Variants in ANXA4 observed in about 807,000 individuals in gnomAD.
The protein encoded by ANXA4 is annexin A4.
A neutral mutation model predicts 49.8 loss-of-function variants in ANXA4; 39 were observed. The ratio of observed to expected loss-of-function variants is 0.78; its 90% CI spans 0.61 to 1.02. The LOEUF (loss-of-function observed/expected upper bound fraction) is 1.02. ANXA4 is among the 50% of genes least tolerant of loss of function. ANXA4 has a pLI of 0.00. For synonymous variants in ANXA4, 134 were observed against 152.5 expected, an observed-to-expected ratio of 0.88 and a Z score of 0.89; for missense variants, 360 against 410.1, an observed-to-expected ratio of 0.88 and a Z score of 1.05.
chr2:69,718,968 C>T (rs1311984164), intron 2 of ANXA4, among the ~76,000 whole-genome samples: 2 of 151,660 alleles, frequency 1.3e-5, no homozygotes, highest in South Asian at 2.1e-4. Context: ...AAGTCTCAAG[C>T]TAGCTACCCT....
At chr2:69,763,811 C>T (rs945630041) in intron 1 of ANXA4, among the ~76,000 whole-genome samples, 10 of 151,748 alleles carry the variant, frequency 6.6e-5, no homozygotes, top group Non-Finnish European at 1.0e-4. Flanking sequence ...TACAGGCGTG[C>T]GCCACCACGC....
intron 2 of ANXA4, among the ~76,000 whole-genome samples, chr2:69,711,771 T>C (rs113466250): frequency 1.3e-3 from 193 of 152,076 alleles, no homozygotes; most frequent in African/African-American, 4.6e-3. Context: ...TGAAAACAGA[T>C]TGGGGAATTC....
chr2:69,741,332 T>G (rs1393656407), upstream of ANXA4, among the ~76,000 whole-genome samples: 5 of 152,174 alleles, frequency 3.3e-5, no homozygotes, highest in Non-Finnish European at 4.4e-5. Flanking sequence ...CTAGTTGGTG[T>G]CTTCAAGAGG....
chr2:69,819,429 C>A, intron 11 of ANXA4, 91 bp downstream of exon 11: 3 of 914,802 alleles, frequency 3.3e-6, no homozygotes, highest in South Asian at 1.5e-5. Context: ...CCAAACTTTG[C>A]TCTGAAAGAT....
intron 2 of ANXA4, among the ~76,000 whole-genome samples, chr2:69,704,068 C>A (rs1678415668): frequency 6.6e-6 from 1 of 152,004 alleles, no homozygotes; most frequent in Non-Finnish European, 1.5e-5. Context: ...CTACAGATGA[C>A]CCCAATATTA....
chr2:69,725,934 G>C (rs1238046103), intron 3 of ANXA4, among the ~76,000 whole-genome samples: 2 of 152,118 alleles, frequency 1.3e-5, no homozygotes, highest in African/African-American at 2.4e-5. Context: ...TGGTTCTTGT[G>C]ACTTTTTTTT....
chr2:69,787,031 T>C lies in ANXA4; in HGVS notation c.10-1023T>C, dbSNP rs571409944. Among the ~76,000 whole-genome samples the C allele has an allele frequency of 4.7e-4, 71 of 152,312 alleles. No individual in the cohort carries two copies. In the South Asian group the frequency reaches 0.014, roughly 30 times the overall value. On this transcript the variant is annotated intron_variant, in intron 2 of 12. Coordinates refer to ENST00000394295, the MANE Select transcript of ANXA4 (RefSeq NM_001153.5). ...TGAGCCACCACATCCGGCCTGTTTC[T>C]TCTTTATATCCACTTCCTCCCCTTT...
intron 2 of ANXA4, among the ~76,000 whole-genome samples, chr2:69,787,565 A>G (rs1011866599): frequency 6.6e-5 from 10 of 152,182 alleles, no homozygotes; most frequent in Middle Eastern, 3.2e-3. Context: ...TGGGGAGAAC[A>G]GGGTTCCACG....
chr2:69,747,128 C>T (rs1157688709), intron 1 of ANXA4, among the ~76,000 whole-genome samples: 2 of 152,302 alleles, frequency 1.3e-5, no homozygotes, highest in East Asian at 3.9e-4. Flanking sequence ...CCATGTCCAC[C>T]TCTACCTCAT....
chr2:69,691,684 C>A (rs1375460592), intron 2 of ANXA4, among the ~76,000 whole-genome samples: 1 of 152,048 alleles, frequency 6.6e-6, no homozygotes, highest in Non-Finnish European at 1.5e-5. Flanking sequence ...CTGTGGAACA[C>A]AATTAGAAAA....
chr2:69,692,006 C>T (rs1677990229), intron 2 of ANXA4, among the ~76,000 whole-genome samples: 1 of 152,208 alleles, frequency 6.6e-6, no homozygotes, highest in Non-Finnish European at 1.5e-5. Flanking sequence ...CCGCCTCAGC[C>T]TCCCAAGTAG....
intron 9 of ANXA4, chr2:69,817,188 C>G (rs1419969716): frequency 6.6e-6 from 1 of 152,148 alleles, no homozygotes; most frequent in Non-Finnish European, 1.5e-5. Flanking sequence ...TGCATAAATG[C>G]ATTTGCAAGA....
intron 3 of ANXA4, among the ~76,000 whole-genome samples, chr2:69,796,307 A>G (rs1490544329): frequency 6.6e-6 from 1 of 152,192 alleles, no homozygotes; most frequent in African/African-American, 2.4e-5. Context: ...CCTGCAAAGC[A>G]TCTCCTTGAG....
At chr2:69,689,224 G>T (rs1253970877) in intron 2 of ANXA4, among the ~76,000 whole-genome samples, 2 of 152,018 alleles carry the variant, frequency 1.3e-5, no homozygotes, top group East Asian at 3.9e-4. Flanking sequence ...GAGTAGCTGG[G>T]ATTATAGGCA....
chr2:69,781,444 A>G, intron 1 of ANXA4, 76 bp from the exon 2 acceptor site: 1 of 1,259,826 alleles, frequency 7.9e-7, no homozygotes, highest in Non-Finnish European at 1.1e-6. Context: ...CTTCATGCAA[A>G]CTGCAAGTTA....
chr2:69,791,005 C>T (rs1173120100), intron 3 of ANXA4, among the ~76,000 whole-genome samples: 2 of 152,204 alleles, frequency 1.3e-5, no homozygotes, highest in Non-Finnish European at 2.9e-5. Flanking sequence ...TAAAGTACAG[C>T]AAGAATAATC....
At chr2:69,757,351 A>T (rs1457452636) in intron 1 of ANXA4, among the ~76,000 whole-genome samples, 1 of 139,522 alleles carries the variant, frequency 7.2e-6, no homozygotes. Context: ...GCTCACTGCA[A>T]GCTCTGCCTC....
chr2:69,735,696 T>C (rs1670227922), intron 3 of ANXA4, among the ~76,000 whole-genome samples: 1 of 152,180 alleles, frequency 6.6e-6, no homozygotes, highest in African/African-American at 2.4e-5. Flanking sequence ...AACCCAATTT[T>C]ACCTGGCAGT....
chr2:69,664,470 A>G (rs184857124), intron 2 of ANXA4, among the ~76,000 whole-genome samples: 96 of 152,312 alleles, frequency 6.3e-4, no homozygotes, highest in African/African-American at 2.2e-3. Flanking sequence ...TTTACTTACT[A>G]TGTGCACTTA....
Sources: allele counts gnomAD v4.1 joint callset (sites outside exome capture counted in the v4.1 genomes callset), GRCh38; gene constraint gnomAD v4.1.1; transcripts MANE v1.5; gene names NCBI Gene and HGNC (gene_info 2026-07-23, HGNC 2026-07-21).